The following CNTRL variants were observed in gnomAD, a reference collection of about 807,000 sequenced individuals.
CNTRL encodes the protein 110 kDa centrosomal protein.
CNTRL carries 233 observed loss-of-function variants against 303.7 expected under a neutral mutation model. That is an observed-to-expected ratio of 0.77 (90% CI 0.69 to 0.86). The LOEUF (loss-of-function observed/expected upper bound fraction) is 0.86. Ranked by LOEUF, CNTRL falls within the 40% of genes least tolerant of loss-of-function variation. The pLI is 0.00. For missense variants in CNTRL, 2,524 were observed against 2,650.6 expected, an observed-to-expected ratio of 0.95 and a Z score of 1.05; for synonymous variants, 900 against 922.2, an observed-to-expected ratio of 0.98 and a Z score of 0.44.
chr9:121,117,419 A>T (rs2050026772), intron 11 of CNTRL, among the ~76,000 whole-genome samples: 1 of 152,216 alleles, frequency 6.6e-6, no homozygotes, highest in Non-Finnish European at 1.5e-5. Context: ...CTATGCTAAA[A>T]ACTGTTAGAA....
chr9:121,100,826 A>G (rs565283819), intron 7 of CNTRL, among the ~76,000 whole-genome samples: 93 of 152,370 alleles, frequency 6.1e-4, no homozygotes, highest in Non-Finnish European at 1.1e-3. Flanking sequence ...CCATTACATA[A>G]TGGTAAAGGG....
intron 35 of CNTRL, among the ~76,000 whole-genome samples, 157 bp downstream of exon 35, chr9:121,165,257 C>T (rs1038159465): frequency 1.3e-5 from 2 of 151,950 alleles, no homozygotes; most frequent in South Asian, 4.1e-4. Flanking sequence ...ATACTAAAAG[C>T]CTTTGAATTG....
chr9:121,077,266 G>A (rs145201274), intron 1 of CNTRL, among the ~76,000 whole-genome samples: 17 of 148,940 alleles, frequency 1.1e-4, no homozygotes, highest in African/African-American at 3.7e-4. Context: ...TCCTTTACTC[G>A]CCCTAGCCTA....
In CNTRL at chr9:121,112,453, C is replaced by G; in HGVS notation, c.1003-6C>G. On this transcript the variant is annotated splice_polypyrimidine_tract_variant and splice_region_variant and intron_variant, in intron 8 of 43. Coordinates refer to ENST00000373855, the MANE Select transcript of CNTRL (RefSeq NM_007018.6). ...TATGTTGTCTCATATCAAATTGGGC[C>G]AATAGCTAAAACAGAAGACCATAGA... 1 of 1,611,598 alleles carries G rather than the reference C, an allele frequency of 6.2e-7. No individual in the cohort carries two copies. The highest frequency in any genetic ancestry group is 8.5e-7 in the Non-Finnish European group (1 of 1,178,426).
chr9:121,171,384 G>A (rs766632083), intron 39 of CNTRL, 24 bp from the exon 40 acceptor site: 6 of 1,613,454 alleles, frequency 3.7e-6, no homozygotes, highest in Non-Finnish European at 2.5e-6. Flanking sequence ...AGATCGCAGA[G>A]TTATTTTCTT....
chr9:121,160,219 AACTTAC>A lies in CNTRL; in HGVS notation c.5012_5017del (p.Thr1671_Leu1672del), dbSNP rs2052779549. ...GTTCAGATTAGTGAAAGAAAAACTC[AACTTAC>A]ACTTATAAAGCAGGAAATTGAAAAA... is the stretch of plus-strand genomic sequence containing the variant. On this transcript the variant is annotated inframe_deletion, in exon 32 of 44. Coordinates refer to ENST00000373855, the MANE Select transcript of CNTRL (RefSeq NM_007018.6). 1 of 1,571,472 alleles carries A rather than the reference AACTTAC, an allele frequency of 6.4e-7. No homozygotes were observed. Among genetic ancestry groups the A allele is most frequent in the Non-Finnish European group, 8.6e-7 (1 of 1,163,764 alleles).
At chr9:121,114,955 A>AT (rs986116088) in intron 10 of CNTRL, 136 bp from the exon 11 acceptor site, 13 of 537,730 alleles carry the variant, frequency 2.4e-5, no homozygotes, top group Admixed American at 3.7e-5. Context: ...TTACTTTAAA[A>AT]TTTTTTTGTG....
rs1464510483 is a variant in CNTRL, at chr9:121,075,064, G to A, written c.-208G>A. 2.4e-6 allele frequency: 1 copy of A among 416,928 alleles called. No homozygotes were observed. Among genetic ancestry groups the A allele is most frequent in the Non-Finnish European group, 4.9e-6 (1 of 203,882 alleles). 25.8% of individuals were successfully genotyped at this position (416,928 alleles called of 1,614,324 possible). A position where few individuals can be genotyped will look rare whatever the true frequency, so the allele number is the denominator to read the frequency against. On this transcript the variant is annotated 5_prime_UTR_variant, in exon 1 of 44. Transcript: ENST00000373855. ...GCGGGACTGCTCGGCTCGGCTTCTA[G>A]GCGGTGAGCGTCAGACCTGGCCGAG...
chr9:121,113,566 A>G lies in CNTRL; in HGVS notation c.1187A>G (p.Asn396Ser), dbSNP rs200760374. 200 of 1,608,274 alleles carry G rather than the reference A, an allele frequency of 1.2e-4. No individual in the cohort carries two copies. Among genetic ancestry groups the G allele is most frequent in the Non-Finnish European group, 1.6e-4 (190 of 1,178,436 alleles). ...ATTGGCAAATCCAGATACAAGAGAA[A>G]TATGTTTGCCACAGAGAGTTATATT... ...PYIGKSRYKR[N>S]MFATESYIID... Residue 396 changes from asparagine (N) to serine (S), a missense_variant, in exon 10 of 44, where the codon AAT (asparagine) becomes AGT (serine). Coordinates refer to ENST00000373855, the MANE Select transcript of CNTRL (RefSeq NM_007018.6).
chr9:121,094,908 A>C lies in CNTRL; in HGVS notation c.369A>C (p.Lys123Asn). Residue 123 changes from lysine (K) to asparagine (N), a missense_variant, in exon 5 of 44, where the codon AAA (lysine) becomes AAC (asparagine). Lys to Asn is a moderately conservative substitution (Grantham distance 94). Coordinates refer to ENST00000373855, the MANE Select transcript of CNTRL (RefSeq NM_007018.6). ...ATTAGTATATTGAGAATTTGGAAAA[A>C]TGTGTTAAACTTGAAGTACTGAATC... The part of the protein sequence containing the change: ...KKFKYIENLE[K>N]CVKLEVLNLS... 1.3e-6 allele frequency: 2 copies of C among 1,574,868 alleles called. No homozygotes were observed. Among genetic ancestry groups the C allele is most frequent in the Non-Finnish European group, 1.7e-6 (2 of 1,155,288 alleles).
At position 121,168,218 on chromosome 9, in the gene CNTRL, G is replaced by T. The variant is rs1359463108; in HGVS notation, c.5967G>T (p.Leu1989=). Residue 1989 remains leucine (L), a synonymous_variant, in exon 38 of 44, where the codon CTG becomes CTT. Transcript: ENST00000373855. The part of the protein sequence containing the change: ...EKELTDQKSK[L]DQVLSKVLAA... ...AATTAACAGACCAGAAAAGCAAACTGGACCAAGTGCTCTCAAAGGTGCTGG... is the reference window on the plus strand; with the variant it reads ...AATTAACAGACCAGAAAAGCAAACTTGACCAAGTGCTCTCAAAGGTGCTGG... The T allele has an allele frequency of 6.2e-7, 1 of 1,614,024 alleles. No homozygotes were observed. Among genetic ancestry groups the T allele is most frequent in the Non-Finnish European group, 8.5e-7 (1 of 1,180,042 alleles).
At chr9:121,129,170 C>T (rs2050711312) in intron 14 of CNTRL, among the ~76,000 whole-genome samples, 1 of 152,136 alleles carries the variant, frequency 6.6e-6, no homozygotes, top group Admixed American at 6.5e-5. Context: ...TTTTCGAACT[C>T]TGTGAAGAAA....
Position 121,148,832 on chromosome 9 carries a change from G to A in CNTRL, c.3620G>A (p.Ser1207Asn), listed in dbSNP as rs754136974. The A allele has an allele frequency of 2.0e-5, 32 of 1,613,556 alleles. No homozygotes were observed. The South Asian group carries it at 3.3e-4, about 17-fold the overall frequency. ...TACTGGGTTTATTCTCCCATCAGGA[G>A]TGGGTTACATAAACTGTTTCCAAGT... is the stretch of plus-strand genomic sequence containing the variant. Reference protein sequence around the residue: ...SGYWVYSPIRSGLHKLFPSRD... With the variant: ...SGYWVYSPIRNGLHKLFPSRD... Residue 1207 changes from serine to asparagine, a missense_variant, in exon 24 of 44, where the codon AGT (serine) becomes AAT (asparagine). Physicochemically the swap from Ser to Asn is conservative, Grantham distance 46. Transcript: ENST00000373855.
intron 13 of CNTRL, among the ~76,000 whole-genome samples, chr9:121,124,998 C>T (rs1029521862): frequency 1.3e-5 from 2 of 150,600 alleles, no homozygotes; most frequent in Admixed American, 6.6e-5. Flanking sequence ...GCACATAGTG[C>T]GTATCCAGTA....
intron 14 of CNTRL, among the ~76,000 whole-genome samples, chr9:121,131,599 T>C (rs1171745904): frequency 6.6e-6 from 1 of 152,236 alleles, no homozygotes; most frequent in Non-Finnish European, 1.5e-5. Context: ...TGCCAGTCTG[T>C]GTCTTTTAAT....
chr9:121,081,314 T>C (rs1482893122), intron 2 of CNTRL, among the ~76,000 whole-genome samples: 1 of 152,240 alleles, frequency 6.6e-6, no homozygotes, highest in Admixed American at 6.5e-5. Flanking sequence ...AGTACAATAC[T>C]TGTGACATCA....
chr9:121,159,345 A>G (rs2052742413), intron 31 of CNTRL, among the ~76,000 whole-genome samples: 1 of 152,026 alleles, frequency 6.6e-6, no homozygotes, highest in South Asian at 2.1e-4. Context: ...CCTCTTAGAA[A>G]ACTTCTGGCC....
intron 14 of CNTRL, among the ~76,000 whole-genome samples, chr9:121,132,497 C>A (rs1329446641): frequency 2.0e-5 from 3 of 152,110 alleles, no homozygotes; most frequent in Non-Finnish European, 2.9e-5. Context: ...CATTTAAGGT[C>A]TTCTCTACAC....
intron 13 of CNTRL, 82 bp from the exon 14 acceptor site, chr9:121,125,634 C>A: frequency 8.3e-7 from 1 of 1,211,210 alleles, no homozygotes; most frequent in Non-Finnish European, 1.2e-6. Flanking sequence ...TAGAATTTCA[C>A]TCTTGGCTTA....
Sources: allele counts gnomAD v4.1 joint callset (sites outside exome capture counted in the v4.1 genomes callset), GRCh38; gene constraint gnomAD v4.1.1; transcripts MANE v1.5; gene names NCBI Gene and HGNC (gene_info 2026-07-23, HGNC 2026-07-21).